WRNIP1: variants seen among roughly 807,000 people sequenced by gnomAD.
The protein encoded by WRNIP1 is WRN helicase interacting protein 1, also known as ATPase WRNIP1.
Under a neutral mutation model 56.1 loss-of-function variants are expected in WRNIP1, and 41 were observed. The observed-to-expected ratio is 0.73, with a 90% CI of 0.57 to 0.95. WRNIP1 has a LOEUF of 0.95. Ranked by LOEUF, WRNIP1 falls within the 40% of genes least tolerant of loss-of-function variation. WRNIP1 has a pLI of 0.00. For synonymous variants in WRNIP1, 547 were observed against 398.1 expected (o/e 1.37, Z -4.45); for missense variants, 1,170 against 939.4 (o/e 1.25, Z -3.21).
chr6:2,778,634 T>C (rs188662552), intron 3 of WRNIP1, among the ~76,000 whole-genome samples: 1 of 152,152 alleles, frequency 6.6e-6, no homozygotes, highest in East Asian at 1.9e-4. Context: ...ATGATTAGTG[T>C]CCACTATGAG....
intron 3 of WRNIP1, among the ~76,000 whole-genome samples, chr6:2,775,306 T>A (rs1765407672): frequency 6.6e-6 from 1 of 152,180 alleles, no homozygotes; most frequent in Non-Finnish European, 1.5e-5. Context: ...TGGGATACAT[T>A]TTAGAAACAT....
intron 2 of WRNIP1, 152 bp from the exon 3 acceptor site, chr6:2,769,968 G>A: frequency 9.0e-7 from 1 of 1,114,304 alleles, no homozygotes. Flanking sequence ...CCCAAATATT[G>A]CATCTATATT....
chr6:2,771,647 C>T (rs1350327456), intron 3 of WRNIP1, among the ~76,000 whole-genome samples: 2 of 152,178 alleles, frequency 1.3e-5, no homozygotes, highest in Non-Finnish European at 2.9e-5. Context: ...TGGAGCACTT[C>T]AGATTTCTGG....
chr6:2,782,856 C>T (rs1230955714), intron 4 of WRNIP1, among the ~76,000 whole-genome samples: 1 of 152,144 alleles, frequency 6.6e-6, no homozygotes, highest in African/African-American at 2.4e-5. Flanking sequence ...CTTCTGGGAC[C>T]CTGCCACACA....
At position 2,765,741 on chromosome 6, in the gene WRNIP1, T is replaced by TAGC; in HGVS notation, c.119_120insAGC (p.Leu40_Leu41insAla). On this transcript the variant is annotated inframe_insertion, in exon 1 of 7. Transcript: ENST00000380773. ...ATCAACTCGCACCTGGACCGCTGTCTGCTGCTCCACCCGGCGGGGCACGCG... is the reference window on the plus strand; with the variant it reads ...ATCAACTCGCACCTGGACCGCTGTCTAGCGCTGCTCCACCCGGCGGGGCACGCG... 6.6e-7 allele frequency: 1 copy of TAGC among 1,515,184 alleles called. No individual in the cohort carries two copies. 93.9% of individuals were successfully genotyped at this position (1,515,184 alleles called of 1,614,324 possible).
intron 3 of WRNIP1, chr6:2,773,184 T>C (rs944710744): frequency 1.0e-6 from 1 of 985,400 alleles, no homozygotes; most frequent in Non-Finnish European, 1.2e-6. Context: ...GTGTTCTTTT[T>C]TTAAAAAAAA....
rs761681212 is a variant in WRNIP1, at chr6:2,766,385, C to G, written c.763C>G (p.Leu255Val). The change falls in exon 1 of 7, where the codon CTC (leucine) becomes GTC (valine). Residue 255 changes from leucine (L) to valine (V), a missense_variant. Transcript: ENST00000380773. ...AVGQDTLLRS[L>V]LETNEIPSLI... ...GGGCCAGGATACCCTGCTGCGCTCG[C>G]TCCTGGAGACCAACGAAATCCCCTC... is the stretch of plus-strand genomic sequence containing the variant. The G allele has an allele frequency of 1.2e-6, 2 of 1,607,928 alleles. No individual in the cohort carries two copies. Among genetic ancestry groups the G allele is most frequent in the Non-Finnish European group, 1.7e-6 (2 of 1,177,470 alleles).
rs9503298 is a variant in WRNIP1 at position 2,783,679 on chromosome 6, A to G, written c.1642+118A>G. ...GCAGGGCGGGGTGGGCGGGGGTAGC[A>G]GGAAGAATGTCTCAGGGCTATGTGA... On this transcript the variant is annotated intron_variant, in intron 5 of 6. Coordinates refer to ENST00000380773, the MANE Select transcript of WRNIP1 (RefSeq NM_020135.3). 4,640 of 644,608 alleles carry G rather than the reference A, an allele frequency of 7.2e-3. 583 individuals carry two copies. In the African/African-American group the frequency reaches 0.13, roughly 18 times the overall value. 39.9% of individuals were successfully genotyped at this position (644,608 alleles called of 1,614,324 possible).
In WRNIP1 at chr6:2,783,574, G is replaced by A; in HGVS notation, c.1642+13G>A. Reference sequence around the variant, plus strand: ...AGCGAGGACATAGGTGAGTGTGATGGGAGGGTCCCGGAGTCCTATGTCCAT... The same window carrying A: ...AGCGAGGACATAGGTGAGTGTGATGAGAGGGTCCCGGAGTCCTATGTCCAT... On this transcript the variant is annotated intron_variant, in intron 5 of 6. Coordinates refer to ENST00000380773, the MANE Select transcript of WRNIP1 (RefSeq NM_020135.3). The A allele has an allele frequency of 6.3e-7, 1 of 1,581,360 alleles. No homozygotes were observed. Among genetic ancestry groups the A allele is most frequent in the Non-Finnish European group, 8.6e-7 (1 of 1,160,214 alleles).
chr6:2,765,554 C>A lies in WRNIP1; in HGVS notation c.-69C>A. 7.3e-7 allele frequency: 1 copy of A among 1,374,488 alleles called. No homozygotes were observed. The allele number at this position is 1,374,488 out of a possible 1,614,324, so 85.1% of individuals were successfully genotyped here. On this transcript the variant is annotated 5_prime_UTR_variant, in exon 1 of 7. Coordinates refer to ENST00000380773, the MANE Select transcript of WRNIP1 (RefSeq NM_020135.3). ...TCGCGGCGCGGGGCCTAGCGGAGGGCATCGAAGGCCTCCGCGTGCGCACGG... is the reference window on the plus strand; with the variant it reads ...TCGCGGCGCGGGGCCTAGCGGAGGGAATCGAAGGCCTCCGCGTGCGCACGG...
At chr6:2,775,205 G>A (rs909557421) in intron 3 of WRNIP1, among the ~76,000 whole-genome samples, 39 of 151,554 alleles carry the variant, frequency 2.6e-4, no homozygotes, top group African/African-American at 8.5e-4. Context: ...CCCACTGCTC[G>A]GTTTTTCTGT....
Position 2,768,657 on chromosome 6 carries a change from G to C in WRNIP1, c.823-34G>C, listed in dbSNP as rs765762613. 3.9e-6 allele frequency: 6 copies of C among 1,555,120 alleles called. No individual in the cohort carries two copies. The South Asian group carries it at 7.3e-5, about 19-fold the overall frequency. ...GTGCTGGTCTCTCTGTGTCTTACCAGCTTTTCAAACTCCATGTATGTCATC... is the reference window on the plus strand; with the variant it reads ...GTGCTGGTCTCTCTGTGTCTTACCACCTTTTCAAACTCCATGTATGTCATC... On this transcript the variant is annotated intron_variant, in intron 1 of 6. Coordinates refer to ENST00000380773, the MANE Select transcript of WRNIP1 (RefSeq NM_020135.3).
chr6:2,775,817 T>G (rs752221984), intron 3 of WRNIP1, among the ~76,000 whole-genome samples: 5 of 152,258 alleles, frequency 3.3e-5, no homozygotes, highest in Non-Finnish European at 5.9e-5. Flanking sequence ...AATGCATTTA[T>G]TTTAACCAAT....
At position 2,766,145 on chromosome 6, in the gene WRNIP1, G is replaced by T. The variant is rs1249161251; in HGVS notation, c.523G>T (p.Asp175Tyr). The T allele has an allele frequency of 6.0e-6, 8 of 1,327,244 alleles. No individual in the cohort carries two copies. Among genetic ancestry groups the T allele is most frequent in the Non-Finnish European group, 7.7e-6 (8 of 1,045,584 alleles). The allele number at this position is 1,327,244 out of a possible 1,614,324, so 82.2% of individuals were successfully genotyped here. Residue 175 changes from aspartate to tyrosine, a missense_variant, in exon 1 of 7, where the codon GAC becomes TAC. Coordinates refer to ENST00000380773, the MANE Select transcript of WRNIP1 (RefSeq NM_020135.3). ...EEEAVGDGDGDGDADADGEDD... is the reference protein window; with the variant it reads ...EEEAVGDGDGYGDADADGEDD... ...GGAGGCCGTGGGCGACGGCGATGGC[G>T]ACGGGGACGCGGACGCGGACGGCGA...
chr6:2,778,801 C>T (rs1561914723), intron 3 of WRNIP1, among the ~76,000 whole-genome samples: 1 of 152,200 alleles, frequency 6.6e-6, no homozygotes, highest in Non-Finnish European at 1.5e-5. Context: ...AGCTAATATT[C>T]AGATATAATG....
At position 2,783,674 on chromosome 6, in the gene WRNIP1, G is replaced by T. The variant is rs539807995; in HGVS notation, c.1642+113G>T. 2.8e-4 allele frequency: 182 copies of T among 643,084 alleles called. 2 individuals carry two copies. In the African/African-American group the frequency reaches 3.1e-3, roughly 11 times the overall value. 39.8% of individuals were successfully genotyped at this position (643,084 alleles called of 1,614,324 possible). A position where few individuals can be genotyped will look rare whatever the true frequency, so the allele number is the denominator to read the frequency against. ...TTTTTGCAGGGCGGGGTGGGCGGGGGTAGCAGGAAGAATGTCTCAGGGCTA... is the reference window on the plus strand; with the variant it reads ...TTTTTGCAGGGCGGGGTGGGCGGGGTTAGCAGGAAGAATGTCTCAGGGCTA... On this transcript the variant is annotated intron_variant, in intron 5 of 6. Transcript: ENST00000380773.
Position 2,766,200 on chromosome 6 carries a change from C to T in WRNIP1, c.578C>T (p.Ala193Val), listed in dbSNP as rs763090032. 2.1e-6 allele frequency: 3 copies of T among 1,426,642 alleles called. No individual in the cohort carries two copies. Among genetic ancestry groups the T allele is most frequent in the Admixed American group, 2.9e-5 (1 of 34,006 alleles). 88.4% of individuals were successfully genotyped at this position (1,426,642 alleles called of 1,614,324 possible). A position where few individuals can be genotyped will look rare whatever the true frequency, so the allele number is the denominator to read the frequency against. The change falls in exon 1 of 7, where the codon GCT becomes GTT. Residue 193 changes from alanine (A) to valine (V), a missense_variant. Coordinates refer to ENST00000380773, the MANE Select transcript of WRNIP1 (RefSeq NM_020135.3). Reference sequence around the variant, plus strand: ...GACCCGGGGCACTGGGACGCGGACGCTGCCGAAGCCGCCACCGCCTTCGGG... The same window carrying T: ...GACCCGGGGCACTGGGACGCGGACGTTGCCGAAGCCGCCACCGCCTTCGGG... ...EDDPGHWDAD[A>V]AEAATAFGAS...
chr6:2,779,603 A>G, intron 4 of WRNIP1, 111 bp downstream of exon 4: 1 of 1,132,542 alleles, frequency 8.8e-7, no homozygotes, highest in Non-Finnish European at 1.3e-6. Context: ...CTGGGTCCAG[A>G]GCATTCCAGT....
intron 4 of WRNIP1, 138 bp from the exon 5 acceptor site, chr6:2,783,268 G>A: frequency 2.2e-6 from 2 of 910,066 alleles, no homozygotes; most frequent in South Asian, 2.1e-5. Context: ...CACGGTTAAG[G>A]CAGCTGCCCA....
Sources: allele counts gnomAD v4.1 joint callset (sites outside exome capture counted in the v4.1 genomes callset), GRCh38; gene constraint gnomAD v4.1.1; transcripts MANE v1.5; gene names NCBI Gene and HGNC (gene_info 2026-07-23, HGNC 2026-07-21).